The following TMEM108 variants were observed in gnomAD, a reference collection of about 807,000 sequenced individuals.
TMEM108 encodes the protein transmembrane protein 108, also known as cancer/testis antigen 124.
TMEM108 carries 12 observed loss-of-function variants against 35.1 expected under a neutral mutation model. The ratio of observed to expected loss-of-function variants is 0.34; its 90% CI spans 0.22 to 0.55. TMEM108 has a LOEUF of 0.55. Among genes scored for constraint, TMEM108 ranks in the 20% least tolerant of loss-of-function variants. The pLI is 0.89. For synonymous variants in TMEM108, 287 were observed against 308.6 expected (o/e 0.93, Z 0.73); for missense variants, 680 against 753.3 (o/e 0.90, Z 1.14).
rs1433708496 is a variant in TMEM108, at chr3:133,116,305, G to A, written c.-47+70285G>A. Among the ~76,000 whole-genome samples the A allele has an allele frequency of 2.0e-5, 3 of 152,062 alleles. No homozygotes were observed. The South Asian group carries it at 6.2e-4, about 32-fold the overall frequency. On this transcript the variant is annotated intron_variant, in intron 2 of 5. Transcript: ENST00000321871. Reference sequence around the variant, plus strand: ...CTTCAATTTTAGCAGAATTCTTGTTGCTTGGATAGGGGCACTTTGCAAACT... The same window carrying A: ...CTTCAATTTTAGCAGAATTCTTGTTACTTGGATAGGGGCACTTTGCAAACT...
At chr3:133,357,256 C>T (rs879135562) in intron 3 of TMEM108, among the ~76,000 whole-genome samples, 5 of 152,098 alleles carry the variant, frequency 3.3e-5, no homozygotes, top group Non-Finnish European at 7.4e-5. Flanking sequence ...GTAAGAATGG[C>T]CATAATTTAA....
chr3:133,074,404 G>A (rs772168256), intron 2 of TMEM108: 1 of 152,136 alleles, frequency 6.6e-6, no homozygotes. Flanking sequence ...CTAATTTACT[G>A]AACGTCATAG....
chr3:133,265,506 G>C (rs1395634312), intron 3 of TMEM108, among the ~76,000 whole-genome samples: 2 of 152,160 alleles, frequency 1.3e-5, no homozygotes, highest in Non-Finnish European at 2.9e-5. Context: ...TGAACCCAAT[G>C]TGTGGGAGCC....
At chr3:133,204,650 A>C (rs1327628915) in intron 2 of TMEM108, among the ~76,000 whole-genome samples, 1 of 152,240 alleles carries the variant, frequency 6.6e-6, no homozygotes, top group Non-Finnish European at 1.5e-5. Context: ...ATTTGATTGC[A>C]CTGTGGTCTG....
Position 133,397,451 on chromosome 3 carries a change from A to G in TMEM108, c.*1465A>G, listed in dbSNP as rs1214061216. The G allele has an allele frequency of 6.6e-6, 1 of 151,572 alleles. No individual in the cohort carries two copies. The highest frequency in any genetic ancestry group is 1.5e-5 in the Non-Finnish European group (1 of 67,960). The allele number at this position is 151,572 out of a possible 1,614,324, so 9.4% of individuals were successfully genotyped here. ...TCAATGTTGTATGAACCTCCTTCACATGAGTTCGGTTGTTGTCTCTCTTCA... is the reference window on the plus strand; with the variant it reads ...TCAATGTTGTATGAACCTCCTTCACGTGAGTTCGGTTGTTGTCTCTCTTCA... On this transcript the variant is annotated 3_prime_UTR_variant, in exon 6 of 6. Coordinates refer to ENST00000321871, the MANE Select transcript of TMEM108 (RefSeq NM_023943.4).
chr3:133,306,334 C>A (rs2071036089), intron 3 of TMEM108, among the ~76,000 whole-genome samples: 1 of 151,970 alleles, frequency 6.6e-6, no homozygotes, highest in African/African-American at 2.4e-5. Flanking sequence ...TCTAGTTATC[C>A]CAGCATCATT....
intron 3 of TMEM108, among the ~76,000 whole-genome samples, chr3:133,292,562 C>A (rs764134700): frequency 6.6e-6 from 1 of 152,212 alleles, no homozygotes; most frequent in Non-Finnish European, 1.5e-5. Context: ...TAAAATGTGT[C>A]AGGCATGAAC....
intron 2 of TMEM108, among the ~76,000 whole-genome samples, chr3:133,047,815 GC>G (rs1943358305): frequency 1.3e-5 from 2 of 152,102 alleles, no homozygotes; most frequent in African/African-American, 4.8e-5. Flanking sequence ...CACATAAATA[GC>G]TAAATAGTCT....
intron 2 of TMEM108, among the ~76,000 whole-genome samples, chr3:133,191,362 T>C (rs1042680834): frequency 4.6e-5 from 7 of 152,330 alleles, no homozygotes; most frequent in African/African-American, 1.7e-4. Context: ...CCTATGTTAG[T>C]ATGAAATAAG....
intron 3 of TMEM108, among the ~76,000 whole-genome samples, chr3:133,265,049 C>T (rs1946677561): frequency 6.6e-6 from 1 of 152,222 alleles, no homozygotes; most frequent in East Asian, 1.9e-4. Context: ...CATCTCTAAA[C>T]ACCAACAAGA....
chr3:133,370,331 T>C (rs1023791820), intron 3 of TMEM108, among the ~76,000 whole-genome samples: 2 of 152,142 alleles, frequency 1.3e-5, no homozygotes, highest in Admixed American at 6.5e-5. Flanking sequence ...TATCCCTCAA[T>C]TGGGATTTGT....
intron 2 of TMEM108, among the ~76,000 whole-genome samples, chr3:133,053,461 A>G (rs1943430379): frequency 1.3e-5 from 2 of 152,378 alleles, no homozygotes; most frequent in Admixed American, 6.5e-5. Flanking sequence ...GAATTGTTCT[A>G]CAATTAGCAA....
Position 133,136,914 on chromosome 3 carries a change from A to G in TMEM108, c.-47+90894A>G, listed in dbSNP as rs1464800592. ...CGCTCAGCTGCTGTTAAAATATTGG[A>G]TCAAAGAAATGACTCAGGAGGAAAA... On this transcript the variant is annotated intron_variant, in intron 2 of 5. Coordinates refer to ENST00000321871, the MANE Select transcript of TMEM108 (RefSeq NM_023943.4). 5.9e-5 allele frequency among the ~76,000 whole-genome samples: 9 copies of G among 152,274 alleles called. No individual in the cohort carries two copies. In the East Asian group the frequency reaches 1.5e-3, roughly 26 times the overall value.
At chr3:133,182,410 G>A (rs570471186) in intron 2 of TMEM108, among the ~76,000 whole-genome samples, 5 of 152,106 alleles carry the variant, frequency 3.3e-5, no homozygotes, top group Non-Finnish European at 5.9e-5. Context: ...AGAGAAAGCC[G>A]CCTGAGATTC....
intron 3 of TMEM108, chr3:133,247,358 A>T (rs1394795930): frequency 6.6e-6 from 1 of 152,126 alleles, no homozygotes; most frequent in Non-Finnish European, 1.5e-5. Context: ...TTTATTTCAG[A>T]TGTCTTTTTA....
chr3:133,217,326 A>G (rs922010767), intron 2 of TMEM108, among the ~76,000 whole-genome samples: 3 of 151,996 alleles, frequency 2.0e-5, no homozygotes, highest in African/African-American at 7.2e-5. Context: ...TTGTATATTA[A>G]TCCTTTATCA....
chr3:133,339,949 G>C, intron 3 of TMEM108, among the ~76,000 whole-genome samples: 1 of 151,720 alleles, frequency 6.6e-6, no homozygotes, highest in East Asian at 1.9e-4. Context: ...TACAGTGAAA[G>C]CAGTACTAAG....
chr3:133,260,173 C>T (rs1946604571), intron 3 of TMEM108, among the ~76,000 whole-genome samples: 1 of 151,954 alleles, frequency 6.6e-6, no homozygotes, highest in East Asian at 1.9e-4. Context: ...CATTTTTTCA[C>T]TAAGAATATT....
At chr3:133,150,939 A>G (rs768417295) in intron 2 of TMEM108, among the ~76,000 whole-genome samples, 1 of 152,224 alleles carries the variant, frequency 6.6e-6, no homozygotes, top group East Asian at 1.9e-4. Flanking sequence ...GTCAGTCCCC[A>G]GTTTACCTCC....
Sources: gnomAD v4.1 joint callset for allele counts (sites outside exome capture counted in the v4.1 genomes callset) on GRCh38, gnomAD v4.1.1 for gene constraint, MANE v1.5 for transcripts, NCBI Gene and HGNC (gene_info 2026-07-23, HGNC 2026-07-21) for gene names.